Variants in EVI5 observed in about 807,000 individuals in gnomAD.
EVI5 encodes the protein ecotropic viral integration site 5 protein homolog.
In EVI5, 73 loss-of-function variants were observed where a neutral mutation model predicts 112.0. The ratio of observed to expected loss-of-function variants is 0.65; its 90% CI spans 0.54 to 0.79. The LOEUF is 0.79. Ranked by LOEUF, EVI5 falls within the 30% of genes least tolerant of loss-of-function variation. The probability of loss-of-function intolerance (pLI) is 0.00; values close to 1 mark genes in which losing one functional copy is unlikely to be tolerated. For missense variants in EVI5, 900 were observed against 968.8 expected (o/e 0.93, Z 0.94); for synonymous variants, 305 against 319.9 (o/e 0.95, Z 0.50).
intron 18 of EVI5, among the ~76,000 whole-genome samples, chr1:92,567,826 G>C (rs1301967319): frequency 6.6e-6 from 1 of 152,098 alleles, no homozygotes; most frequent in Non-Finnish European, 1.5e-5. Context: ...AAATATGCTA[G>C]GCTTCTAAAA....
In EVI5 at chr1:92,723,857, G is replaced by A. The variant is rs373450027; in HGVS notation, c.149+12541C>T. 2.8e-4 allele frequency among the ~76,000 whole-genome samples: 42 copies of A among 152,284 alleles called. 1 individual carries two copies. The South Asian group carries it at 8.3e-3, about 30-fold the overall frequency. On this transcript the variant is annotated intron_variant, in intron 2 of 19. Transcript: ENST00000684568. ...ACCCTGGGGAAGGAATGCAATTCCT[G>A]TGGGTAGGTCTATGAACGGCTGCTC... is the stretch of plus-strand genomic sequence containing the variant.
In EVI5 at chr1:92,703,636, A is replaced by G; in HGVS notation, c.340-17T>C. On this transcript the variant is annotated splice_polypyrimidine_tract_variant and intron_variant, in intron 3 of 19. Transcript: ENST00000684568. ...AACAAGTTCCTAAAAATAAAATAAAATTACAAAAATGAATTATTTAAGTGT... is the reference window on the plus strand; with the variant it reads ...AACAAGTTCCTAAAAATAAAATAAAGTTACAAAAATGAATTATTTAAGTGT... 1 of 1,457,592 alleles carries G rather than the reference A, an allele frequency of 6.9e-7. No individual in the cohort carries two copies. Among genetic ancestry groups the G allele is most frequent in the African/African-American group, 1.4e-5 (1 of 69,006 alleles). The allele number at this position is 1,457,592 out of a possible 1,614,324, so 90.3% of individuals were successfully genotyped here.
chr1:92,701,808 TTTAA>T (rs1344223820), intron 5 of EVI5, among the ~76,000 whole-genome samples: 1 of 150,478 alleles, frequency 6.6e-6, no homozygotes, highest in African/African-American at 2.5e-5. Context: ...TTACCAACAC[TTTAA>T]TTATTTCCTC....
intron 19 of EVI5, among the ~76,000 whole-genome samples, chr1:92,561,594 T>TC (rs1358689321): frequency 6.7e-6 from 1 of 149,022 alleles, no homozygotes; most frequent in Non-Finnish European, 1.5e-5. Flanking sequence ...TATCTATCTA[T>TC]CTATCTAATC....
intron 19 of EVI5, among the ~76,000 whole-genome samples, chr1:92,530,669 A>G (rs1662722244): frequency 6.6e-6 from 1 of 151,934 alleles, no homozygotes; most frequent in East Asian, 1.9e-4. Context: ...GACCTCCAAC[A>G]AACTCCAGCA....
chr1:92,665,962 G>A lies in EVI5; in HGVS notation c.1189C>T (p.Gln397Ter). ...RLRTENRLLKQRIETLEKESA... is the reference protein window; with the variant it reads ...RLRTENRLLK ...ACTTTTTCTAATGTCTCGATGCGCT[G>A]TTTTAAAAGTCTATTTTCTGTGCGT... Residue 397 changes from glutamine to a stop codon, truncating the protein, a stop_gained, in exon 11 of 20, where the codon CAG becomes TAG. Coordinates refer to ENST00000684568, the MANE Select transcript of EVI5 (RefSeq NM_001350197.2). LOFTEE classifies it high-confidence loss of function. 1 of 1,607,952 alleles carries A rather than the reference G, an allele frequency of 6.2e-7. No homozygotes were observed. Among genetic ancestry groups the A allele is most frequent in the East Asian group, 2.2e-5 (1 of 44,704 alleles).
intron 9 of EVI5, among the ~76,000 whole-genome samples, chr1:92,686,255 A>G (rs1421109862): frequency 6.6e-6 from 1 of 152,244 alleles, no homozygotes; most frequent in East Asian, 1.9e-4. Flanking sequence ...ACGAAAATCA[A>G]TAAACATAAT....
chr1:92,641,160 A>C (rs1440009405), intron 13 of EVI5, among the ~76,000 whole-genome samples: 1 of 152,202 alleles, frequency 6.6e-6, no homozygotes, highest in Non-Finnish European at 1.5e-5. Flanking sequence ...AAACCTGCAC[A>C]TTCTGCACAT....
intron 19 of EVI5, among the ~76,000 whole-genome samples, chr1:92,550,632 A>T (rs2100746054): frequency 6.8e-6 from 1 of 147,888 alleles, no homozygotes; most frequent in South Asian, 2.1e-4. Flanking sequence ...CTGTAGTCCC[A>T]GCTACTTGGG....
intron 1 of EVI5, among the ~76,000 whole-genome samples, chr1:92,782,402 A>G (rs1684983603): frequency 6.6e-6 from 1 of 152,228 alleles, no homozygotes; most frequent in Non-Finnish European, 1.5e-5. Flanking sequence ...AAGGACTCAT[A>G]TCCAGAATAA....
At chr1:92,782,037 G>C (rs757166691) in intron 1 of EVI5, among the ~76,000 whole-genome samples, 21 of 148,706 alleles carry the variant, frequency 1.4e-4, no homozygotes, top group Admixed American at 1.0e-3. Context: ...GAGGTGGATG[G>C]ATCATGAGGT....
At chr1:92,644,559 A>G (rs1660597809) in intron 13 of EVI5, among the ~76,000 whole-genome samples, 3 of 152,066 alleles carry the variant, frequency 2.0e-5, no homozygotes, top group Admixed American at 2.0e-4. Context: ...GAATTTCTTT[A>G]TATGTCTAGT....
chr1:92,743,696 GA>G (rs374500660), intron 1 of EVI5, among the ~76,000 whole-genome samples: 22 of 152,074 alleles, frequency 1.4e-4, no homozygotes, highest in African/African-American at 5.3e-4. Context: ...AAATCTGGGG[GA>G]AAAAATTACC....
chr1:92,655,463 C>T (rs530977870), intron 13 of EVI5, among the ~76,000 whole-genome samples: 4 of 152,202 alleles, frequency 2.6e-5, no homozygotes, highest in African/African-American at 9.6e-5. Flanking sequence ...ACCAGCCTTA[C>T]AAGAAATGTT....
At chr1:92,700,053 T>C (rs1056852402) in intron 5 of EVI5, among the ~76,000 whole-genome samples, 1 of 152,118 alleles carries the variant, frequency 6.6e-6, no homozygotes, top group African/African-American at 2.4e-5. Context: ...ACTAGGTCCT[T>C]CTCAAAAAAA....
intron 2 of EVI5, among the ~76,000 whole-genome samples, chr1:92,716,882 A>C (rs1054165865): frequency 1.3e-5 from 2 of 149,604 alleles, no homozygotes; most frequent in Non-Finnish European, 3.0e-5. Context: ...TCCCCTCCAA[A>C]GGATCGCAGC....
At chr1:92,631,267 G>A (rs1571992012) in intron 14 of EVI5, among the ~76,000 whole-genome samples, 1 of 152,066 alleles carries the variant, frequency 6.6e-6, no homozygotes, top group East Asian at 1.9e-4. Context: ...AAATTACCTT[G>A]GGCAGTATGG....
At chr1:92,748,279 C>T (rs1178112766) in intron 1 of EVI5, among the ~76,000 whole-genome samples, 1 of 152,316 alleles carries the variant, frequency 6.6e-6, no homozygotes, top group South Asian at 2.1e-4. Context: ...GCAGAGACCA[C>T]ATGGAGAGTA....
intron 1 of EVI5, among the ~76,000 whole-genome samples, chr1:92,778,751 T>C (rs1445243640): frequency 6.6e-6 from 1 of 152,226 alleles, no homozygotes; most frequent in Non-Finnish European, 1.5e-5. Context: ...GAAATCAGAA[T>C]AGTGGTCACC....
Sources: allele counts gnomAD v4.1 joint callset (sites outside exome capture counted in the v4.1 genomes callset), GRCh38; gene constraint gnomAD v4.1.1; transcripts MANE v1.5; gene names NCBI Gene and HGNC (gene_info 2026-07-23, HGNC 2026-07-21).